RNF24: variants seen among roughly 807,000 people sequenced by gnomAD.
RNF24 encodes the protein ring finger protein 24.
Under a neutral mutation model 20.0 loss-of-function variants are expected in RNF24, and 14 were observed. The ratio of observed to expected loss-of-function variants is 0.70; its 90% CI spans 0.46 to 1.10. The LOEUF is 1.10. Among genes scored for constraint, RNF24 ranks in the 50% least tolerant of loss-of-function variants. The pLI, the probability that RNF24 is intolerant of heterozygous loss-of-function variation, is 0.00. For missense variants in RNF24, 124 were observed against 177.6 expected, an observed-to-expected ratio of 0.70 and a Z score of 1.71; for synonymous variants, 45 against 61.1, an observed-to-expected ratio of 0.74 and a Z score of 1.23.
Position 3,930,277 on chromosome 20 carries a change from A to C in RNF24, c.*3786T>G, listed in dbSNP as rs2090803678. 1.3e-5 allele frequency: 2 copies of C among 152,232 alleles called. No individual in the cohort carries two copies. The highest frequency in any genetic ancestry group is 1.5e-5 in the Non-Finnish European group (1 of 68,050). 9.4% of individuals were successfully genotyped at this position (152,232 alleles called of 1,614,324 possible). A position where few individuals can be genotyped will look rare whatever the true frequency, so the allele number is the denominator to read the frequency against. On this transcript the variant is annotated 3_prime_UTR_variant, in exon 6 of 6. Coordinates refer to ENST00000358395, the MANE Select transcript of RNF24 (RefSeq NM_001134337.3). Reference sequence around the variant, plus strand: ...GAGTTCACTGTGGGCAAAGGCAGAGATGACCAAGGAAGAAAGGGGCCAGGT... The same window carrying C: ...GAGTTCACTGTGGGCAAAGGCAGAGCTGACCAAGGAAGAAAGGGGCCAGGT...
At chr20:3,946,491 G>C (rs1044039518) in intron 3 of RNF24, among the ~76,000 whole-genome samples, 35 of 151,760 alleles carry the variant, frequency 2.3e-4, no homozygotes, top group African/African-American at 7.7e-4. Context: ...GATTATGATA[G>C]GAGTCTGGGC....
At chr20:3,990,363 A>G (rs1235909641) in intron 1 of RNF24, among the ~76,000 whole-genome samples, 1 of 152,146 alleles carries the variant, frequency 6.6e-6, no homozygotes, top group Non-Finnish European at 1.5e-5. Context: ...GCAAAATTAT[A>G]CATGCACTTA....
At chr20:3,958,883 C>T (rs996737345) in intron 2 of RNF24, among the ~76,000 whole-genome samples, 1 of 152,194 alleles carries the variant, frequency 6.6e-6, no homozygotes, top group African/African-American at 2.4e-5. Context: ...CTCAGGTGAT[C>T]CACCTAGCTC....
intron 1 of RNF24, among the ~76,000 whole-genome samples, chr20:3,995,836 T>TC (rs1337237722): frequency 2.6e-5 from 4 of 152,012 alleles, no homozygotes; most frequent in Admixed American, 6.6e-5. Context: ...CTTTTTTTTT[T>TC]CAAAAATGCT....
intron 1 of RNF24, among the ~76,000 whole-genome samples, chr20:3,967,794 G>A (rs1281458559): frequency 6.6e-6 from 1 of 151,624 alleles, no homozygotes; most frequent in African/African-American, 2.4e-5. Context: ...AGGAGATCGA[G>A]ACCATCTTGG....
At chr20:4,010,381 A>G (rs1600728517) in intron 1 of RNF24, among the ~76,000 whole-genome samples, 3 of 152,196 alleles carry the variant, frequency 2.0e-5, no homozygotes. Context: ...TCAAAATAAT[A>G]ATAATAATAT....
intron 1 of RNF24, among the ~76,000 whole-genome samples, chr20:4,011,548 T>A (rs912146970): frequency 2.0e-5 from 3 of 152,194 alleles, no homozygotes; most frequent in Non-Finnish European, 4.4e-5. Context: ...GACCATCTCC[T>A]GGGGAAAAGA....
intron 1 of RNF24, among the ~76,000 whole-genome samples, chr20:3,979,687 T>C (rs1157175713): frequency 6.6e-6 from 1 of 150,396 alleles, no homozygotes; most frequent in Admixed American, 7.0e-5. Context: ...AAAAAATAAA[T>C]AAAATAAAAT....
At chr20:3,974,427 G>A in intron 1 of RNF24, 1 of 1,525,286 alleles carries the variant, frequency 6.6e-7, no homozygotes, top group Non-Finnish European at 8.8e-7. Context: ...GGTAGAAAAG[G>A]GAATAAAAGG....
chr20:3,965,071 CCA>C (rs1268045886), intron 1 of RNF24, among the ~76,000 whole-genome samples: 1 of 152,124 alleles, frequency 6.6e-6, no homozygotes, highest in Non-Finnish European at 1.5e-5. Context: ...AGTTAAAATT[CCA>C]CAGATAAAGG....
At chr20:3,967,381 T>A (rs1343173243) in intron 1 of RNF24, among the ~76,000 whole-genome samples, 1 of 152,166 alleles carries the variant, frequency 6.6e-6, no homozygotes, top group Non-Finnish European at 1.5e-5. Flanking sequence ...GTAAATTCAG[T>A]TCTTGAAATC....
intron 1 of RNF24, among the ~76,000 whole-genome samples, chr20:3,991,691 C>A (rs1980454629): frequency 6.6e-6 from 1 of 152,064 alleles, no homozygotes; most frequent in African/African-American, 2.4e-5. Context: ...AAAATTATCA[C>A]AAGGATAATT....
At chr20:3,981,005 T>C (rs1600686823) in intron 1 of RNF24, among the ~76,000 whole-genome samples, 1 of 151,888 alleles carries the variant, frequency 6.6e-6, no homozygotes, top group African/African-American at 2.4e-5. Flanking sequence ...TGAATGCTTA[T>C]GGGTTACAGT....
chr20:3,947,918 T>C (rs1167284312), intron 3 of RNF24, among the ~76,000 whole-genome samples: 1 of 151,910 alleles, frequency 6.6e-6, no homozygotes, highest in Non-Finnish European at 1.5e-5. Flanking sequence ...TGGTGGCGCA[T>C]GCCTGTAATC....
chr20:4,008,387 ATATT>A (rs1182372400), intron 1 of RNF24, among the ~76,000 whole-genome samples: 34 of 16,078 alleles, frequency 2.1e-3, no homozygotes, highest in African/African-American at 7.0e-3. Flanking sequence ...TATAATATAT[ATATT>A]ATATATGTAA....
At chr20:3,991,362 C>A (rs1980426990) in intron 1 of RNF24, among the ~76,000 whole-genome samples, 1 of 150,446 alleles carries the variant, frequency 6.6e-6, no homozygotes, top group Non-Finnish European at 1.5e-5. Context: ...AGTGATTCTC[C>A]TGCCTCAGCT....
chr20:4,009,419 GTGAGATA>G (rs1258351680), intron 1 of RNF24, among the ~76,000 whole-genome samples: 2 of 152,184 alleles, frequency 1.3e-5, no homozygotes, highest in Non-Finnish European at 2.9e-5. Flanking sequence ...TGCTAAAGCT[GTGAGATA>G]TGAGGGGGCA....
intron 1 of RNF24, among the ~76,000 whole-genome samples, chr20:4,010,472 T>G (rs1423881209): frequency 6.6e-6 from 1 of 152,226 alleles, no homozygotes; most frequent in African/African-American, 2.4e-5. Context: ...TTCCATCTTC[T>G]CATCACAGAA....
intron 1 of RNF24, among the ~76,000 whole-genome samples, chr20:3,979,770 G>A (rs1979227448): frequency 6.6e-6 from 1 of 152,024 alleles, no homozygotes; most frequent in Non-Finnish European, 1.5e-5. Context: ...TCACATTGTG[G>A]GAAAAAAATC....
Sources: allele counts gnomAD v4.1 joint callset (sites outside exome capture counted in the v4.1 genomes callset), GRCh38; gene constraint gnomAD v4.1.1; transcripts MANE v1.5; gene names NCBI Gene and HGNC (gene_info 2026-07-23, HGNC 2026-07-21).